The following GRM7 variants were observed in gnomAD, a reference collection of about 807,000 sequenced individuals.
The protein encoded by GRM7 is glutamate metabotropic receptor 7.
GRM7 carries 35 observed loss-of-function variants against 84.5 expected under a neutral mutation model. That is an observed-to-expected ratio of 0.41 (90% CI 0.32 to 0.55). GRM7 has a LOEUF of 0.55. GRM7 is among the 20% of genes least tolerant of loss of function. GRM7 has a pLI of 0.19. For missense variants in GRM7, 1,003 were observed against 1,194.6 expected, an observed-to-expected ratio of 0.84 and a Z score of 2.36; for synonymous variants, 487 against 455.1, an observed-to-expected ratio of 1.07 and a Z score of -0.89.
At chr3:7,582,113 G>T (rs186768857) in intron 8 of GRM7, among the ~76,000 whole-genome samples, 2 of 152,306 alleles carry the variant, frequency 1.3e-5, no homozygotes, top group African/African-American at 2.4e-5. Flanking sequence ...CACAGTAGAA[G>T]CTGGCTGGCC....
chr3:7,468,596 G>A (rs774002853), intron 7 of GRM7, among the ~76,000 whole-genome samples: 24 of 152,304 alleles, frequency 1.6e-4, no homozygotes, highest in Middle Eastern at 3.4e-3. Context: ...TTTGTCCCAT[G>A]ATGATATGGT....
intron 2 of GRM7, among the ~76,000 whole-genome samples, chr3:7,262,946 CCA>C (rs1559536692): frequency 3.8e-3 from 4 of 1,046 alleles, no homozygotes; most frequent in Non-Finnish European, 7.3e-3. Context: ...GATCCACCCA[CCA>C]TGCCTCTCAA....
At chr3:7,227,095 A>G (rs1697007345) in intron 2 of GRM7, among the ~76,000 whole-genome samples, 1 of 152,200 alleles carries the variant, frequency 6.6e-6, no homozygotes, top group Non-Finnish European at 1.5e-5. Context: ...AATTATTTTA[A>G]TATTAATTAA....
chr3:7,318,312 T>G (rs1700654587), intron 4 of GRM7, among the ~76,000 whole-genome samples: 1 of 152,042 alleles, frequency 6.6e-6, no homozygotes, highest in Admixed American at 6.6e-5. Flanking sequence ...GGGCTAAGAC[T>G]TCTCTTCCTT....
At chr3:7,562,349 A>AT (rs1694062451) in intron 7 of GRM7, among the ~76,000 whole-genome samples, 1 of 148,082 alleles carries the variant, frequency 6.8e-6, no homozygotes, top group South Asian at 2.1e-4. Flanking sequence ...TCCCCCTTAT[A>AT]TTTTTTTAAA....
chr3:6,861,128 T>G lies in GRM7; in HGVS notation c.-261T>G. The G allele has an allele frequency of 7.4e-6, 3 of 403,414 alleles. No individual in the cohort carries two copies. Among genetic ancestry groups the G allele is most frequent in the Non-Finnish European group, 1.3e-5 (3 of 229,682 alleles). The allele number at this position is 403,414 out of a possible 1,614,324, so 25.0% of individuals were successfully genotyped here. A position where few individuals can be genotyped will look rare whatever the true frequency, so the allele number is the denominator to read the frequency against. On this transcript the variant is annotated 5_prime_UTR_variant, in exon 1 of 10. Transcript: ENST00000357716. The surrounding 1 kb of genome is among the most constrained non-coding windows in gnomAD (Gnocchi z 6.4). Reference sequence around the variant, plus strand: ...TGCCCTCTCCCCAGTGCTGGGCTGTTGGAGAGAGCGAGCAGCAAGCCGGTG... The same window carrying G: ...TGCCCTCTCCCCAGTGCTGGGCTGTGGGAGAGAGCGAGCAGCAAGCCGGTG...
intron 5 of GRM7, among the ~76,000 whole-genome samples, chr3:7,437,054 C>T (rs555411069): frequency 2.0e-4 from 30 of 152,304 alleles, no homozygotes; most frequent in South Asian, 1.0e-3. Flanking sequence ...TTTCCTTTCA[C>T]ACCAACCCTG....
At chr3:7,407,052 A>G (rs1267174831) in intron 4 of GRM7, among the ~76,000 whole-genome samples, 1 of 152,178 alleles carries the variant, frequency 6.6e-6, no homozygotes, top group Non-Finnish European at 1.5e-5. Context: ...ACAACAATAA[A>G]AACCCAAGCC....
intron 5 of GRM7, among the ~76,000 whole-genome samples, chr3:7,431,224 T>C (rs1399114443): frequency 6.6e-6 from 1 of 152,110 alleles, no homozygotes. Context: ...ATAATATCTA[T>C]CATTTAAAAA....
chr3:7,730,473 C>G (rs1702288024), intron 9 of GRM7, among the ~76,000 whole-genome samples: 1 of 152,218 alleles, frequency 6.6e-6, no homozygotes. Context: ...TTGAATTGTA[C>G]TGAACCAGAA....
In GRM7 at chr3:7,149,915, T is replaced by C. The variant is rs531158178; in HGVS notation, c.736+3247T>C. The stretch of plus-strand genomic sequence containing the variant: ...CTTTGAAAATAACTTGAGTAATAGA[T>C]GTTATCTGCCTTGAGTTGTAACTAG... On this transcript the variant is annotated intron_variant, in intron 2 of 9. Coordinates refer to ENST00000357716, the MANE Select transcript of GRM7 (RefSeq NM_000844.4). Among the ~76,000 whole-genome samples the C allele has an allele frequency of 3.6e-4, 55 of 152,328 alleles. 2 individuals are homozygous for C. In the South Asian group the frequency reaches 0.011, roughly 32 times the overall value.
intron 1 of GRM7, among the ~76,000 whole-genome samples, chr3:7,115,820 A>G (rs1322741138): frequency 6.6e-6 from 1 of 152,158 alleles, no homozygotes; most frequent in African/African-American, 2.4e-5. Flanking sequence ...ATCAATAAGC[A>G]TATATGTGTC....
chr3:7,227,347 T>G (rs1697016890), intron 2 of GRM7, among the ~76,000 whole-genome samples: 1 of 152,192 alleles, frequency 6.6e-6, no homozygotes, highest in Non-Finnish European at 1.5e-5. Flanking sequence ...TTATTAGAGG[T>G]CTAGCAGAAA....
At chr3:7,219,290 G>A (rs906116299) in intron 2 of GRM7, among the ~76,000 whole-genome samples, 1 of 151,956 alleles carries the variant, frequency 6.6e-6, no homozygotes, top group African/African-American at 2.4e-5. Context: ...TTTACTGAAC[G>A]CTACACCTGG....
chr3:6,992,821 C>A (rs1368616930), intron 1 of GRM7, among the ~76,000 whole-genome samples: 1 of 152,180 alleles, frequency 6.6e-6, no homozygotes, highest in Non-Finnish European at 1.5e-5. Context: ...ACTGCTAGGT[C>A]CCATTGGTCA....
intron 2 of GRM7, among the ~76,000 whole-genome samples, chr3:7,253,767 T>C (rs1698096329): frequency 6.6e-6 from 1 of 152,076 alleles, no homozygotes; most frequent in African/African-American, 2.4e-5. Flanking sequence ...TATGGTGTAG[T>C]AAGTCTTCTG....
chr3:7,395,793 A>T (rs1248132721), intron 4 of GRM7, among the ~76,000 whole-genome samples: 1 of 152,182 alleles, frequency 6.6e-6, no homozygotes, highest in Non-Finnish European at 1.5e-5. Flanking sequence ...TAAATTACCT[A>T]GTCTCAGGTA....
At chr3:7,048,294 G>A (rs115163965) in intron 1 of GRM7, among the ~76,000 whole-genome samples, 3 of 151,878 alleles carry the variant, frequency 2.0e-5, no homozygotes, top group Admixed American at 6.6e-5. Flanking sequence ...TGACATTGGG[G>A]AATTAAATAT....
chr3:7,302,202 A>G (rs558845123), intron 3 of GRM7, among the ~76,000 whole-genome samples: 10 of 152,160 alleles, frequency 6.6e-5, no homozygotes, highest in Non-Finnish European at 1.0e-4. Flanking sequence ...ATAATCTTCT[A>G]TAAAACCTGC....
Sources: gnomAD v4.1 joint callset for allele counts (sites outside exome capture counted in the v4.1 genomes callset) on GRCh38, gnomAD v4.1.1 for gene constraint, Gnocchi (gnomAD v3.1) non-coding constraint, MANE v1.5 for transcripts, NCBI Gene and HGNC (gene_info 2026-07-23, HGNC 2026-07-21) for gene names.